Variants in ENPP3 observed in about 807,000 individuals in gnomAD.
ENPP3 encodes ectonucleotide pyrophosphatase/phosphodiesterase 3.
In ENPP3, 104 loss-of-function variants were observed where a neutral mutation model predicts 117.8. The observed-to-expected ratio is 0.88, with a 90% CI of 0.75 to 1.04. The LOEUF (loss-of-function observed/expected upper bound fraction) is 1.04, where lower values mean the gene tolerates loss of function less well. Ranked by LOEUF, ENPP3 falls within the 50% of genes least tolerant of loss-of-function variation. The pLI, the probability that ENPP3 is intolerant of heterozygous loss-of-function variation, is 0.00. For missense variants in ENPP3, 1,026 were observed against 1,051.9 expected (o/e 0.98, Z 0.34); for synonymous variants, 380 against 349.9 (o/e 1.09, Z -0.96).
At chr6:131,646,164 A>G (rs1778148244) in intron 2 of ENPP3, among the ~76,000 whole-genome samples, 1 of 151,896 alleles carries the variant, frequency 6.6e-6, no homozygotes, top group Admixed American at 6.6e-5. Context: ...CTTCCCTCAT[A>G]TTTTTACTTA....
Position 131,710,124 on chromosome 6 carries a change from G to C in ENPP3, c.1413-8548G>C. 4 of 1,613,954 alleles carry C rather than the reference G, an allele frequency of 2.5e-6. No homozygotes were observed. Among genetic ancestry groups the C allele is most frequent in the Non-Finnish European group, 3.4e-6 (4 of 1,179,896 alleles). ...AGTTAGCACCATTTTCCCATTGACT[G>C]TTCACTTTTAATTCCAGGTTATCAT... On this transcript the variant is annotated intron_variant, in intron 15 of 24. Transcript: ENST00000357639.
At chr6:131,738,203 T>C (rs1473711577) in intron 23 of ENPP3, 40 bp downstream of exon 23, 3 of 1,534,042 alleles carry the variant, frequency 2.0e-6, no homozygotes, top group South Asian at 2.3e-5. Context: ...TAGGGTCTCA[T>C]GAGGGGAAAT....
chr6:131,706,880 G>A (rs1401027656), intron 15 of ENPP3, among the ~76,000 whole-genome samples: 1 of 151,830 alleles, frequency 6.6e-6, no homozygotes, highest in Non-Finnish European at 1.5e-5. Flanking sequence ...ATGTATATAT[G>A]TGTGTGTGTG....
intron 2 of ENPP3, among the ~76,000 whole-genome samples, chr6:131,643,838 T>C (rs1406354073): frequency 2.6e-5 from 4 of 151,092 alleles, no homozygotes; most frequent in Non-Finnish European, 5.9e-5. Flanking sequence ...AGACAGACAA[T>C]AAAAATATAA....
intron 14 of ENPP3, among the ~76,000 whole-genome samples, chr6:131,686,182 C>T (rs1230146794): frequency 6.6e-6 from 1 of 152,172 alleles, no homozygotes; most frequent in Non-Finnish European, 1.5e-5. Flanking sequence ...AAAAGGGTTG[C>T]ATTAGTGAGC....
intron 11 of ENPP3, among the ~76,000 whole-genome samples, chr6:131,682,513 AAATT>A (rs1449496601): frequency 6.6e-6 from 1 of 152,110 alleles, no homozygotes; most frequent in Non-Finnish European, 1.5e-5. Flanking sequence ...ATAAATAAAT[AAATT>A]ATTTTTCCTT....
intron 23 of ENPP3, among the ~76,000 whole-genome samples, chr6:131,739,274 A>G (rs1780470777): frequency 6.6e-6 from 1 of 152,176 alleles, no homozygotes; most frequent in Non-Finnish European, 1.5e-5. Flanking sequence ...CAGACTTTGC[A>G]CTTAAAACTT....
intron 15 of ENPP3, chr6:131,700,755 G>T: frequency 6.6e-7 from 1 of 1,517,182 alleles, no homozygotes; most frequent in Non-Finnish European, 8.8e-7. Context: ...GCACATATAT[G>T]AAACTACAAT....
intron 17 of ENPP3, among the ~76,000 whole-genome samples, chr6:131,721,737 T>G (rs1176259672): frequency 6.6e-6 from 1 of 152,222 alleles, no homozygotes; most frequent in Admixed American, 6.5e-5. Flanking sequence ...TATAAATTAT[T>G]TATTGAAACT....
chr6:131,685,542 G>T lies in ENPP3; in HGVS notation c.1252+47G>T, dbSNP rs754707396. The T allele has an allele frequency of 1.1e-5, 18 of 1,584,934 alleles. No individual in the cohort carries two copies. In the East Asian group the frequency reaches 3.8e-4, roughly 33 times the overall value. On this transcript the variant is annotated intron_variant, in intron 13 of 24. Transcript: ENST00000357639. The stretch of plus-strand genomic sequence containing the variant: ...TGAAAAAAAGGGTAAACCTGAAAGT[G>T]AATAACCATAGTCCACTAATTCTGA...
At position 131,685,470 on chromosome 6, in the gene ENPP3, T is replaced by G; in HGVS notation, c.1227T>G (p.His409Gln). Residue 409 changes from histidine (H) to glutamine (Q), a missense_variant, in exon 13 of 25, where the codon CAT (histidine) becomes CAG (glutamine). Coordinates refer to ENST00000357639, the MANE Select transcript of ENPP3 (RefSeq NM_005021.5). ...YEGPAPRIRA[H>Q]NIPHDFFSFN... ...GGCCTGCCCCCCGCATCCGAGCTCA[T>G]AATATACCTCATGACTTTTTTAGTT... 1 of 1,613,926 alleles carries G rather than the reference T, an allele frequency of 6.2e-7. No individual in the cohort carries two copies.
chr6:131,639,265 A>ATATTTT (rs371737976), intron 1 of ENPP3, among the ~76,000 whole-genome samples: 11,790 of 106,710 alleles, frequency 0.11, 709 homozygotes, highest in East Asian at 0.15. Flanking sequence ...ATATATATAT[A>ATATTTT]TTTTTTTTTT....
At chr6:131,658,287 C>A (rs201363351) in intron 5 of ENPP3, 36 bp from the exon 6 acceptor site, 2 of 1,151,716 alleles carry the variant, frequency 1.7e-6, no homozygotes, top group East Asian at 2.3e-5. Flanking sequence ...ATGTAGCTAT[C>A]CAAAACAATG....
chr6:131,641,779 T>G (rs1778046868), intron 2 of ENPP3, among the ~76,000 whole-genome samples: 1 of 149,480 alleles, frequency 6.7e-6, no homozygotes, highest in Non-Finnish European at 1.5e-5. Flanking sequence ...AGTGTTTTTC[T>G]CTTACCTTTC....
At chr6:131,702,362 A>C (rs1779557903) in intron 15 of ENPP3, among the ~76,000 whole-genome samples, 2 of 149,112 alleles carry the variant, frequency 1.3e-5, no homozygotes, top group Admixed American at 1.3e-4. Flanking sequence ...CCTCCACAGC[A>C]TATATCTCAC....
rs1170662241 is a variant in ENPP3, at chr6:131,652,817, C to G, written c.404-14C>G. On this transcript the variant is annotated splice_polypyrimidine_tract_variant and intron_variant, in intron 4 of 24. Coordinates refer to ENST00000357639, the MANE Select transcript of ENPP3 (RefSeq NM_005021.5). ...CTGCAGCAAGTATCAAGATTTTGAT[C>G]TTATGCTTTTCAGGAGAAACCTCAT... 42 of 1,611,442 alleles carry G rather than the reference C, an allele frequency of 2.6e-5. No homozygotes were observed. Among genetic ancestry groups the G allele is most frequent in the Non-Finnish European group, 3.5e-5 (41 of 1,177,666 alleles).
intron 2 of ENPP3, among the ~76,000 whole-genome samples, chr6:131,646,907 C>T (rs1438127481): frequency 6.8e-6 from 1 of 148,060 alleles, no homozygotes; most frequent in Admixed American, 6.8e-5. Context: ...TTTTCCTCTT[C>T]TTTTTGTGAA....
intron 21 of ENPP3, among the ~76,000 whole-genome samples, chr6:131,735,486 GGT>G (rs1223856340): frequency 2.0e-5 from 3 of 152,056 alleles, no homozygotes; most frequent in African/African-American, 7.2e-5. Context: ...CAGGCAGGAT[GGT>G]GCATGCCTGT....
At chr6:131,743,065 A>G (rs1780561530) in intron 24 of ENPP3, among the ~76,000 whole-genome samples, 1 of 152,236 alleles carries the variant, frequency 6.6e-6, no homozygotes, top group African/African-American at 2.4e-5. Flanking sequence ...AAGCCAAGCT[A>G]TGATTATAAA....
Sources: gnomAD v4.1 joint callset for allele counts (sites outside exome capture counted in the v4.1 genomes callset) on GRCh38, gnomAD v4.1.1 for gene constraint, MANE v1.5 for transcripts, NCBI Gene and HGNC (gene_info 2026-07-23, HGNC 2026-07-21) for gene names.